Variants in PIK3C2G observed in about 807,000 individuals in gnomAD.
PIK3C2G encodes the protein phosphatidylinositol 3-kinase C2 domain-containing subunit gamma.
PIK3C2G carries 168 observed loss-of-function variants against 181.1 expected under a neutral mutation model. That is an observed-to-expected ratio of 0.93 (90% CI 0.82 to 1.05). The LOEUF is 1.05. PIK3C2G is among the 50% of genes least tolerant of loss of function. The probability of loss-of-function intolerance (pLI) is 0.00; values close to 1 mark genes in which losing one functional copy is unlikely to be tolerated. For missense variants in PIK3C2G, 1,869 were observed against 1,732.8 expected (o/e 1.08, Z -1.40); for synonymous variants, 573 against 592.2 (o/e 0.97, Z 0.47).
chr12:18,304,656 CTAAG>C (rs1950345067), intron 5 of PIK3C2G, among the ~76,000 whole-genome samples: 1 of 152,182 alleles, frequency 6.6e-6, no homozygotes, highest in Non-Finnish European at 1.5e-5. Context: ...GAGAAAAAGG[CTAAG>C]TCATAATATA....
intron 12 of PIK3C2G, among the ~76,000 whole-genome samples, chr12:18,363,877 T>G (rs917298125): frequency 7.2e-5 from 11 of 152,130 alleles, no homozygotes; most frequent in Non-Finnish European, 1.2e-4. Context: ...CATTCCAAAC[T>G]AAATCTGCCT....
At chr12:18,264,688 T>C (rs954602939) in intron 1 of PIK3C2G, among the ~76,000 whole-genome samples, 2 of 152,124 alleles carry the variant, frequency 1.3e-5, no homozygotes, top group Admixed American at 1.3e-4. Flanking sequence ...CTTTTTGGAA[T>C]ATTGTATGTG....
Position 18,647,705 on chromosome 12 carries a change from A to C in PIK3C2G, c.4309-171A>C, listed in dbSNP as rs558304636. On this transcript the variant is annotated intron_variant, in intron 32 of 32. Coordinates refer to ENST00000538779, the MANE Select transcript of PIK3C2G (RefSeq NM_001288772.2). ...TCATTAAACTCTATTGTGTTAGCAGAAACTTCAGCTTTTCAGAATAAAAGT... is the reference window on the plus strand; with the variant it reads ...TCATTAAACTCTATTGTGTTAGCAGCAACTTCAGCTTTTCAGAATAAAAGT... Among the ~76,000 whole-genome samples the C allele has an allele frequency of 2.0e-5, 3 of 152,278 alleles. No individual in the cohort carries two copies. The South Asian group carries it at 6.2e-4, about 32-fold the overall frequency.
At chr12:18,333,972 A>G (rs1296062486) in intron 8 of PIK3C2G, among the ~76,000 whole-genome samples, 1 of 152,168 alleles carries the variant, frequency 6.6e-6, no homozygotes, top group East Asian at 1.9e-4. Flanking sequence ...GCTGTTACCC[A>G]CCTTTTCAAA....
At chr12:18,362,521 C>G (rs1265267039) in intron 11 of PIK3C2G, among the ~76,000 whole-genome samples, 1 of 152,182 alleles carries the variant, frequency 6.6e-6, no homozygotes, top group Non-Finnish European at 1.5e-5. Flanking sequence ...TTCTGGTTTT[C>G]TTTCAAAAGG....
intron 14 of PIK3C2G, among the ~76,000 whole-genome samples, chr12:18,384,637 T>C (rs917896859): frequency 3.9e-5 from 6 of 152,186 alleles, no homozygotes; most frequent in African/African-American, 7.2e-5. Flanking sequence ...CTATCCTTGA[T>C]TCTTCTCAGA....
chr12:18,455,538 A>G (rs1290922338), intron 18 of PIK3C2G, among the ~76,000 whole-genome samples: 1 of 152,132 alleles, frequency 6.6e-6, no homozygotes, highest in Non-Finnish European at 1.5e-5. Flanking sequence ...GAGCTGCTAT[A>G]ACAAAAATAC....
chr12:18,724,180 T>A, the PIK3C2G span, among the ~76,000 whole-genome samples: 1 of 152,112 alleles, frequency 6.6e-6, no homozygotes, highest in African/African-American at 2.4e-5. Context: ...AGTTGTGCAT[T>A]TCCAATTGGA....
At chr12:18,650,349 G>A (rs61914458), downstream of PIK3C2G, among the ~76,000 whole-genome samples, 46,032 of 91,272 alleles carry the variant, frequency 0.5, 8,359 homozygotes, top group Middle Eastern at 0.58. Context: ...ATATATATAT[G>A]TGTGTGTGTG....
chr12:18,614,625 T>C (rs1287928575), intron 31 of PIK3C2G, among the ~76,000 whole-genome samples: 2 of 152,174 alleles, frequency 1.3e-5, no homozygotes, highest in Non-Finnish European at 2.9e-5. Context: ...TACCCTTAGC[T>C]CTTAAATGTG....
chr12:18,661,377 AGAG>A, the PIK3C2G span, among the ~76,000 whole-genome samples: 30 of 37,348 alleles, frequency 8.0e-4, no homozygotes, highest in Non-Finnish European at 2.0e-3. Flanking sequence ...ATAAAAAAAA[AGAG>A]AGAGAGAGAA....
chr12:18,343,416 A>T (rs561655980), intron 10 of PIK3C2G, 56 bp downstream of exon 10: 1 of 920,102 alleles, frequency 1.1e-6, no homozygotes, highest in East Asian at 2.7e-5. Context: ...AAGTTACAGA[A>T]TCCAAAATAC....
chr12:18,330,669 G>A (rs1381408799), intron 8 of PIK3C2G, among the ~76,000 whole-genome samples: 1 of 152,056 alleles, frequency 6.6e-6, no homozygotes, highest in East Asian at 1.9e-4. Context: ...AATTGTGAGG[G>A]TCCAGAACCT....
At chr12:18,719,712 C>T in the PIK3C2G span, 106 of 953,488 alleles carry the variant, frequency 1.1e-4, no homozygotes, top group Non-Finnish European at 1.6e-4. Flanking sequence ...CACTTGTAAA[C>T]TTACTCAGTA....
chr12:18,493,616 A>G (rs1940763453), intron 20 of PIK3C2G: 2 of 152,284 alleles, frequency 1.3e-5, no homozygotes, highest in Admixed American at 6.5e-5. Flanking sequence ...GAAAGCTGTT[A>G]TATGATTGTG....
intron 6 of PIK3C2G, among the ~76,000 whole-genome samples, chr12:18,316,687 G>T (rs949063560): frequency 6.6e-6 from 1 of 151,884 alleles, no homozygotes; most frequent in South Asian, 2.1e-4. Context: ...CTGAGATCGC[G>T]CTACTGCACT....
upstream of PIK3C2G, among the ~76,000 whole-genome samples, chr12:18,243,637 G>T (rs1045560976): frequency 1.3e-5 from 2 of 151,960 alleles, no homozygotes; most frequent in East Asian, 1.9e-4. Context: ...TAAAGTGCTT[G>T]TTATGGAGCC....
At chr12:18,603,605 T>TA (rs1379574971) in intron 30 of PIK3C2G, among the ~76,000 whole-genome samples, 1 of 152,126 alleles carries the variant, frequency 6.6e-6, no homozygotes, top group African/African-American at 2.4e-5. Flanking sequence ...GAAAGAATCT[T>TA]AAGACCTGTG....
chr12:18,669,024 T>C, the PIK3C2G span, among the ~76,000 whole-genome samples: 1 of 152,034 alleles, frequency 6.6e-6, no homozygotes, highest in African/African-American at 2.4e-5. Flanking sequence ...GTGCAGAAAA[T>C]AGTAATAATA....
Sources: gnomAD v4.1 joint callset for allele counts (sites outside exome capture counted in the v4.1 genomes callset) on GRCh38, gnomAD v4.1.1 for gene constraint, MANE v1.5 for transcripts, NCBI Gene and HGNC (gene_info 2026-07-23, HGNC 2026-07-21) for gene names.